The following GPHN variants were observed in gnomAD, a reference collection of about 807,000 sequenced individuals.
GPHN encodes the protein gephyrin.
In GPHN, 17 loss-of-function variants were observed where a neutral mutation model predicts 95.5. That is an observed-to-expected ratio of 0.18 (90% CI 0.12 to 0.27). GPHN has a LOEUF of 0.27. Ranked by LOEUF, GPHN falls within the 10% of genes least tolerant of loss-of-function variation. The pLI, the probability that GPHN is intolerant of heterozygous loss-of-function variation, is 1.00. For synonymous variants in GPHN, 320 were observed against 322.5 expected (o/e 0.99, Z 0.08); for missense variants, 660 against 978.1 (o/e 0.67, Z 4.34).
intron 19 of GPHN, among the ~76,000 whole-genome samples, chr14:67,164,253 GA>G (rs1317943912): frequency 1.2e-5 from 1 of 82,042 alleles, no homozygotes; most frequent in Non-Finnish European, 2.1e-5. Context: ...GGGCGACAAA[GA>G]GCAAAACTCC....
chr14:67,317,087 A>G, the GPHN span, among the ~76,000 whole-genome samples: 1 of 152,258 alleles, frequency 6.6e-6, no homozygotes, highest in Non-Finnish European at 1.5e-5. Flanking sequence ...ATCTGTCTAT[A>G]CTGTGTAGTT....
chr14:66,932,232 C>T (rs2066838354), intron 8 of GPHN, among the ~76,000 whole-genome samples: 2 of 151,960 alleles, frequency 1.3e-5, no homozygotes, highest in South Asian at 4.1e-4. Context: ...ACTTAATCTC[C>T]CTCTTCATGC....
chr14:67,721,263 G>C, the GPHN span, among the ~76,000 whole-genome samples: 1 of 152,104 alleles, frequency 6.6e-6, no homozygotes, highest in Non-Finnish European at 1.5e-5. Flanking sequence ...ACAGAGCGAG[G>C]AAGGGCAATG....
At chr14:67,699,512 C>T in the GPHN span, among the ~76,000 whole-genome samples, 1 of 150,224 alleles carries the variant, frequency 6.7e-6, no homozygotes, top group African/African-American at 2.5e-5. Context: ...ATTTCTTGAG[C>T]CTCACAGGTT....
chr14:66,960,762 G>C (rs931273506), intron 8 of GPHN, among the ~76,000 whole-genome samples: 1 of 152,026 alleles, frequency 6.6e-6, no homozygotes, highest in African/African-American at 2.4e-5. Context: ...TGAGAGAATA[G>C]AACCTTCTCA....
chr14:66,572,729 C>T (rs7145696), intron 1 of GPHN, among the ~76,000 whole-genome samples: 27 of 151,990 alleles, frequency 1.8e-4, no homozygotes, highest in African/African-American at 6.0e-4. Flanking sequence ...TTCTTCCTTT[C>T]CAATTTTGAT....
the GPHN span, among the ~76,000 whole-genome samples, chr14:67,721,082 G>A: frequency 6.6e-6 from 1 of 152,342 alleles, no homozygotes; most frequent in East Asian, 1.9e-4. Flanking sequence ...GTAAATGTGT[G>A]TTGAGGATGA....
chr14:67,201,846 C>G, the GPHN span: 1,051 of 185,626 alleles, frequency 5.7e-3, 18 homozygotes, highest in African/African-American at 0.024. Context: ...AGTGTAGCTC[C>G]TCTCTGCCTT....
chr14:67,675,897 A>C, the GPHN span, among the ~76,000 whole-genome samples: 2 of 151,684 alleles, frequency 1.3e-5, no homozygotes, highest in African/African-American at 4.8e-5. Flanking sequence ...AGAGTTCAAG[A>C]CCAGCCTGGC....
intron 2 of GPHN, among the ~76,000 whole-genome samples, chr14:66,732,815 T>C (rs1187706384): frequency 1.3e-5 from 2 of 152,172 alleles, no homozygotes; most frequent in Non-Finnish European, 2.9e-5. Context: ...GCATCTGGCC[T>C]TGTTTTTTAT....
chr14:67,065,159 C>A (rs1255645248), intron 11 of GPHN, among the ~76,000 whole-genome samples: 1 of 152,196 alleles, frequency 6.6e-6, no homozygotes, highest in Non-Finnish European at 1.5e-5. Flanking sequence ...TTTCAAAGAA[C>A]ATCTTTATTT....
chr14:66,552,352 A>C (rs1027838418), intron 1 of GPHN, among the ~76,000 whole-genome samples: 1 of 151,686 alleles, frequency 6.6e-6, no homozygotes, highest in Non-Finnish European at 1.5e-5. Context: ...GCATTTACTC[A>C]CTCCCCTAGT....
At chr14:67,394,177 CTA>C in the GPHN span, among the ~76,000 whole-genome samples, 1 of 152,162 alleles carries the variant, frequency 6.6e-6, no homozygotes, top group Non-Finnish European at 1.5e-5. Flanking sequence ...TCTTATATTT[CTA>C]TGCCAGACAC....
chr14:66,865,876 T>C (rs1306164033), intron 4 of GPHN, among the ~76,000 whole-genome samples: 1 of 152,204 alleles, frequency 6.6e-6, no homozygotes, highest in Non-Finnish European at 1.5e-5. Flanking sequence ...TTGGCTCTTT[T>C]ATTACCTGAG....
intron 1 of GPHN, among the ~76,000 whole-genome samples, chr14:66,636,387 A>G (rs1278296573): frequency 6.6e-6 from 1 of 152,156 alleles, no homozygotes; most frequent in Non-Finnish European, 1.5e-5. Context: ...AATTTATCAC[A>G]TAGGTATACC....
the GPHN span, among the ~76,000 whole-genome samples, chr14:67,675,659 T>C: frequency 6.6e-6 from 1 of 152,092 alleles, no homozygotes; most frequent in Non-Finnish European, 1.5e-5. Context: ...TCTGGGCATG[T>C]TGGTGAATAA....
At chr14:66,652,433 T>C (rs551173906) in intron 1 of GPHN, among the ~76,000 whole-genome samples, 1 of 152,104 alleles carries the variant, frequency 6.6e-6, no homozygotes, top group African/African-American at 2.4e-5. Context: ...TATCATTCTA[T>C]GTAACCTACC....
chr14:67,663,265 TTC>T, the GPHN span: 1 of 1,065,788 alleles, frequency 9.4e-7, no homozygotes, highest in Non-Finnish European at 1.4e-6. Flanking sequence ...TAATTGTATT[TTC>T]TGATAGTTTA....
At chr14:67,620,757 T>C in the GPHN span, 1 of 772,276 alleles carries the variant, frequency 1.3e-6, no homozygotes, top group East Asian at 2.8e-5. Flanking sequence ...AACAATGGAG[T>C]TGGAAGGACA....
Sources: gnomAD v4.1 joint callset for allele counts (sites outside exome capture counted in the v4.1 genomes callset) on GRCh38, gnomAD v4.1.1 for gene constraint, MANE v1.5 for transcripts, NCBI Gene and HGNC (gene_info 2026-07-23, HGNC 2026-07-21) for gene names.